Variants in AXIN1 observed in about 807,000 individuals in gnomAD.
AXIN1 encodes the protein axin-1.
AXIN1 carries 30 observed loss-of-function variants against 76.4 expected under a neutral mutation model. That is an observed-to-expected ratio of 0.39 (90% CI 0.29 to 0.53). The LOEUF is 0.53. Ranked by LOEUF, AXIN1 falls within the 20% of genes least tolerant of loss-of-function variation. AXIN1 has a pLI of 0.66. For synonymous variants in AXIN1, 545 were observed against 501.4 expected, an observed-to-expected ratio of 1.09 and a Z score of -1.16; for missense variants, 1,140 against 1,198.8, an observed-to-expected ratio of 0.95 and a Z score of 0.72.
Position 296,945 on chromosome 16 carries a change from C to T in AXIN1, c.1955+111G>A, listed in dbSNP as rs1056866344. On this transcript the variant is annotated intron_variant, in intron 7 of 10. Transcript: ENST00000262320. ...CCACAGTGACAGGGGAAGTGTGAGG[C>T]GTCACAGGCGACACTCGCCACACAC... 23 of 1,311,136 alleles carry T rather than the reference C, an allele frequency of 1.8e-5. No individual in the cohort carries two copies. In the African/African-American group the frequency reaches 2.5e-4, roughly 14 times the overall value. 81.2% of individuals were successfully genotyped at this position (1,311,136 alleles called of 1,614,324 possible). A position where few individuals can be genotyped will look rare whatever the true frequency, so the allele number is the denominator to read the frequency against.
rs779122737 is a variant in AXIN1, at chr16:346,694, C to T, written c.332G>A (p.Cys111Tyr). Reference sequence around the variant, plus strand: ...AAACCAGAAGTCCAGCAAGTCGGCACAGCCCTCCTGCTTCAGGAAAGTCCT... The same window carrying T: ...AAACCAGAAGTCCAGCAAGTCGGCATAGCCCTCCTGCTTCAGGAAAGTCCT... ...LFRTFLKQEG[C>Y]ADLLDFWFAC... Residue 111 changes from cysteine to tyrosine, a missense_variant, in exon 2 of 11, where the codon TGT becomes TAT. By Grantham distance (194) the Cys-to-Tyr change is radical. This residue lies in a region of AXIN1 where 708 missense variants were observed against 776.9 expected (regional missense o/e 0.91). Coordinates refer to ENST00000262320, the MANE Select transcript of AXIN1 (RefSeq NM_003502.4). 2 of 1,570,736 alleles carry T rather than the reference C, an allele frequency of 1.3e-6. No homozygotes were observed. Among genetic ancestry groups the T allele is most frequent in the Non-Finnish European group, 8.6e-7 (1 of 1,158,484 alleles).
intron 5 of AXIN1, among the ~76,000 whole-genome samples, chr16:299,974 T>G (rs1445506930): frequency 6.6e-6 from 1 of 151,174 alleles, no homozygotes; most frequent in Non-Finnish European, 1.5e-5. Context: ...TTATTTAATT[T>G]TTTTTTGAGA....
Position 288,226 on chromosome 16 carries a change from C to T in AXIN1, c.2485G>A (p.Asp829Asn), listed in dbSNP as rs547434148. The T allele has an allele frequency of 1.5e-5, 25 of 1,613,684 alleles. No homozygotes were observed. Among genetic ancestry groups the T allele is most frequent in the Admixed American group, 6.7e-5 (4 of 60,030 alleles). ...AACACCACCCCACAGTCAAACTCGT[C>T]GCTCACTTTCTTGAAGTAGTATCTG... Reference protein sequence around the residue: ...SYRYYFKKVSDEFDCGVVFEE... With the variant: ...SYRYYFKKVSNEFDCGVVFEE... The change falls in exon 11 of 11, where the codon GAC becomes AAC. Residue 829 changes from aspartate (D) to asparagine (N), a missense_variant. By Grantham distance (23) the Asp-to-Asn change is conservative. Around this residue, in one of 3 missense-constraint regions of AXIN1, gnomAD observed 429 missense variants for 405.8 expected, o/e 1.06. Transcript: ENST00000262320.
Position 297,173 on chromosome 16 carries a change from T to C in AXIN1, c.1838A>G (p.Lys613Arg), listed in dbSNP as rs778038955. ...ACCTGGCACCTCGGTGCTGGCGCTC[T>C]TCCCCGACTCAGCCTTCTTGGCATT... ...KRNAKKAESGKSASTEVPGAS... is the reference protein window; with the variant it reads ...KRNAKKAESGRSASTEVPGAS... Residue 613 changes from lysine (K) to arginine (R), a missense_variant, in exon 7 of 11, where the codon AAG becomes AGG. Coordinates refer to ENST00000262320, the MANE Select transcript of AXIN1 (RefSeq NM_003502.4). 1.1e-5 allele frequency: 18 copies of C among 1,611,474 alleles called. No homozygotes were observed. The highest frequency in any genetic ancestry group is 6.8e-6 in the Non-Finnish European group (8 of 1,179,956).
In AXIN1 at chr16:291,233, G is replaced by T. The variant is rs2052550487; in HGVS notation, c.2251C>A (p.His751Asn). ...CVRPACAPVL[H>N]VVPAVSDMEL... ...ATGTCCGACACGGCTGGTACCACGT[G>T]CAGCACCGGCGCGCACGCTGGCCTG... The change falls in exon 9 of 11, where the codon CAC becomes AAC. Residue 751 changes from histidine to asparagine, a missense_variant. Physicochemically the swap from His to Asn is moderately conservative, Grantham distance 68. Around this residue, in one of 3 missense-constraint regions of AXIN1, gnomAD observed 429 missense variants for 405.8 expected, o/e 1.06. Transcript: ENST00000262320. 6.3e-7 allele frequency: 1 copy of T among 1,588,364 alleles called. No homozygotes were observed. Among genetic ancestry groups the T allele is most frequent in the Non-Finnish European group, 8.6e-7 (1 of 1,168,472 alleles).
At position 291,248 on chromosome 16, in the gene AXIN1, ACGCTGGCCTGAC is replaced by A. The variant is rs1465262439; in HGVS notation, c.2224_2235del (p.Val742_Ala745del). On this transcript the variant is annotated inframe_deletion, in exon 9 of 11. Transcript: ENST00000262320. ...GGTACCACGTGCAGCACCGGCGCGC[ACGCTGGCCTGAC>A]GCAGGCGCGTCCCCGCCGCATAACC... is the stretch of plus-strand genomic sequence containing the variant. The A allele has an allele frequency of 6.3e-7, 1 of 1,586,714 alleles. No individual in the cohort carries two copies. The highest frequency in any genetic ancestry group is 2.3e-5 in the East Asian group (1 of 43,770).
intron 2 of AXIN1, among the ~76,000 whole-genome samples, chr16:334,525 GCACCCAGTACCACA>G: frequency 6.7e-6 from 1 of 150,182 alleles, no homozygotes; most frequent in Non-Finnish European, 1.5e-5. Context: ...CAATAACACA[GCACCCAGTACCACA>G]GCATGCCAAT....
rs2054159869 is a variant in AXIN1, at chr16:352,179, C to G, written c.-82+190G>C. On this transcript the variant is annotated intron_variant, in intron 1 of 10. Transcript: ENST00000262320. ...GCTGCTCCGTGCCCCGAGACGCGCC[C>G]GAGGCCTCGGACCTCCAAGCGGCCA... Among the ~76,000 whole-genome samples, 3 of 151,900 alleles carry G rather than the reference C, an allele frequency of 2.0e-5. No individual in the cohort carries two copies. The South Asian group carries it at 6.2e-4, about 31-fold the overall frequency.
chr16:299,543 C>G (rs1022078176), intron 5 of AXIN1, among the ~76,000 whole-genome samples: 4 of 151,762 alleles, frequency 2.6e-5, no homozygotes, highest in African/African-American at 9.7e-5. Context: ...TTAGTAGAGA[C>G]GGGGTTTCAC....
At chr16:325,081 C>T (rs1176881827) in intron 2 of AXIN1, among the ~76,000 whole-genome samples, 1 of 152,076 alleles carries the variant, frequency 6.6e-6, no homozygotes, top group East Asian at 1.9e-4. Flanking sequence ...GCGGGCGCGC[C>T]CCAGGAAACC....
At chr16:310,786 C>T (rs971116826) in intron 3 of AXIN1, among the ~76,000 whole-genome samples, 1 of 152,264 alleles carries the variant, frequency 6.6e-6, no homozygotes, top group African/African-American at 2.4e-5. Context: ...TCACTGCCAG[C>T]CCTGCACGGG....
intron 3 of AXIN1, among the ~76,000 whole-genome samples, chr16:313,259 A>G (rs2053223949): frequency 6.6e-6 from 1 of 152,252 alleles, no homozygotes; most frequent in Admixed American, 6.5e-5. Flanking sequence ...CCAAGATCGC[A>G]CCATTGCAGT....
chr16:346,067 G>A lies in AXIN1; in HGVS notation c.878+81C>T, dbSNP rs989381721. ...GGACATCCGGTGTGGGTTAACGCCC[G>A]CCTCATCAGCACCTTTCCCTGGCTT... On this transcript the variant is annotated intron_variant, in intron 2 of 10. Coordinates refer to ENST00000262320, the MANE Select transcript of AXIN1 (RefSeq NM_003502.4). 33 of 1,436,780 alleles carry A rather than the reference G, an allele frequency of 2.3e-5. 1 individual carries two copies. In the Admixed American group the frequency reaches 4.4e-4, roughly 19 times the overall value. 89.0% of individuals were successfully genotyped at this position (1,436,780 alleles called of 1,614,324 possible).
At chr16:318,396 G>A (rs1428985069) in intron 2 of AXIN1, among the ~76,000 whole-genome samples, 1 of 152,190 alleles carries the variant, frequency 6.6e-6, no homozygotes, top group Non-Finnish European at 1.5e-5. Context: ...AGGCGGCTGG[G>A]AGAAAAGAAA....
chr16:323,896 G>C (rs1345778931), intron 2 of AXIN1, among the ~76,000 whole-genome samples: 2 of 152,154 alleles, frequency 1.3e-5, no homozygotes, highest in Non-Finnish European at 2.9e-5. Context: ...TGGGTGCAAA[G>C]GGAAAAGGTG....
rs2054029477 is a variant in AXIN1 at position 346,181 on chromosome 16, G to C, written c.845C>G (p.Ser282Cys). The C allele has an allele frequency of 1.2e-6, 2 of 1,613,884 alleles. No homozygotes were observed. Among genetic ancestry groups the C allele is most frequent in the Non-Finnish European group, 1.7e-6 (2 of 1,180,026 alleles). ...TCTGCCTTCGCTGTACCGTCTACTG[G>C]AGGAGACCCTCGGGGCAGCTGTCTC... ...LLETAAPRVSSSRRYSEGREF... is the reference protein window; with the variant it reads ...LLETAAPRVSCSRRYSEGREF... The change falls in exon 2 of 11, where the codon TCC (serine) becomes TGC (cysteine). Residue 282 changes from serine (S) to cysteine (C), a missense_variant. Physicochemically the swap from Ser to Cys is moderately radical, Grantham distance 112. Coordinates refer to ENST00000262320, the MANE Select transcript of AXIN1 (RefSeq NM_003502.4).
At chr16:326,158 G>C (rs537697340) in intron 2 of AXIN1, among the ~76,000 whole-genome samples, 11 of 150,932 alleles carry the variant, frequency 7.3e-5, no homozygotes, top group African/African-American at 2.7e-4. Context: ...TTCAAGACCA[G>C]CCTGGCTAAA....
rs1421331861 is a variant in AXIN1 at position 289,456 on chromosome 16, T to G, written c.2446A>C (p.Lys816Gln). The G allele has an allele frequency of 1.2e-6, 2 of 1,612,906 alleles. No individual in the cohort carries two copies. Among genetic ancestry groups the G allele is most frequent in the South Asian group, 2.2e-5 (2 of 91,084 alleles). ...TLGQFKELLTKKGSYRYYFKK... is the reference protein window; with the variant it reads ...TLGQFKELLTQKGSYRYYFKK... ...CACACTCACCTGTAGCTGCCCTTTT[T>G]GGTCAGCAGCTCCTTGAACTGGCCC... The change falls in exon 10 of 11, where the codon AAA becomes CAA. Residue 816 changes from lysine (K) to glutamine (Q), a missense_variant. Lys to Gln is a moderately conservative substitution (Grantham distance 53). Transcript: ENST00000262320.
chr16:348,933 C>A (rs978672323), intron 1 of AXIN1, among the ~76,000 whole-genome samples: 1 of 151,058 alleles, frequency 6.6e-6, no homozygotes, highest in South Asian at 2.1e-4. Flanking sequence ...CCCATCTCTA[C>A]TAAAAATACA....
Sources: allele counts gnomAD v4.1 joint callset (sites outside exome capture counted in the v4.1 genomes callset), GRCh38; gene constraint gnomAD v4.1.1; regional missense constraint gnomAD v4.1.1; transcripts MANE v1.5; gene names NCBI Gene and HGNC (gene_info 2026-07-23, HGNC 2026-07-21).